The following HDAC9 variants were observed in gnomAD, a reference collection of about 807,000 sequenced individuals.
HDAC9 encodes MEF-2 interacting transcription repressor (MITR) protein.
HDAC9 carries 41 observed loss-of-function variants against 139.4 expected under a neutral mutation model. The ratio of observed to expected loss-of-function variants is 0.29; its 90% confidence interval spans 0.23 to 0.38. The LOEUF is 0.38. Ranked by LOEUF, HDAC9 falls within the 10% of genes least tolerant of loss-of-function variation. The pLI is 1.00. For synonymous variants in HDAC9, 517 were observed against 476.2 expected, an observed-to-expected ratio of 1.09 and a Z score of -1.12; for missense variants, 1,147 against 1,297.0, an observed-to-expected ratio of 0.88 and a Z score of 1.78.
intron 2 of HDAC9, among the ~76,000 whole-genome samples, chr7:18,218,405 C>A (rs1444098861): frequency 7.2e-5 from 11 of 152,086 alleles, no homozygotes; most frequent in Admixed American, 7.2e-4. Context: ...GATCACATCA[C>A]TGCACTCCAG....
intron 21 of HDAC9, among the ~76,000 whole-genome samples, chr7:18,860,032 G>A (rs1311218723): frequency 6.6e-6 from 1 of 151,400 alleles, no homozygotes; most frequent in Middle Eastern, 3.4e-3. Context: ...CTGCTCATAG[G>A]GTAATGGGAA....
At chr7:18,593,825 T>C (rs1469902623) in intron 5 of HDAC9, 83 bp from the exon 6 acceptor site, 10 of 1,444,902 alleles carry the variant, frequency 6.9e-6, no homozygotes, top group Non-Finnish European at 9.7e-6. Context: ...GAGGCACGTG[T>C]ACAGCGTGTG....
chr7:18,174,366 T>C (rs1199776084), intron 2 of HDAC9, among the ~76,000 whole-genome samples: 5 of 152,154 alleles, frequency 3.3e-5, no homozygotes, highest in Non-Finnish European at 7.4e-5. Context: ...TTTTTCATGG[T>C]TTTTAGCTTC....
At chr7:18,981,963 C>G (rs1007497355) in intron 25 of HDAC9, among the ~76,000 whole-genome samples, 6 of 151,232 alleles carry the variant, frequency 4.0e-5, no homozygotes, top group Non-Finnish European at 7.4e-5. Flanking sequence ...AAAAGCAAAA[C>G]AAAACGCCTT....
chr7:18,685,442 A>G (rs576726825), intron 12 of HDAC9, among the ~76,000 whole-genome samples: 1 of 151,940 alleles, frequency 6.6e-6, no homozygotes, highest in Non-Finnish European at 1.5e-5. Flanking sequence ...TGAAAGTGTT[A>G]ATCCTGATCT....
chr7:18,286,276 TATC>T (rs966347370), upstream of HDAC9, among the ~76,000 whole-genome samples: 1 of 151,968 alleles, frequency 6.6e-6, no homozygotes, highest in South Asian at 2.1e-4. Context: ...CTAAAAATTG[TATC>T]ATCATTATTT....
chr7:18,234,528 G>A (rs2128185838), intron 2 of HDAC9, among the ~76,000 whole-genome samples: 1 of 152,286 alleles, frequency 6.6e-6, no homozygotes, highest in Admixed American at 6.5e-5. Context: ...CAGGCACTGA[G>A]TATTATATGT....
At chr7:18,444,810 G>A (rs1337218763) in intron 1 of HDAC9, among the ~76,000 whole-genome samples, 1 of 152,136 alleles carries the variant, frequency 6.6e-6, no homozygotes, top group Non-Finnish European at 1.5e-5. Flanking sequence ...TCAAAGTAAG[G>A]TCTTACTAAG....
At chr7:18,360,774 A>G (rs1437318500) in intron 1 of HDAC9, among the ~76,000 whole-genome samples, 2 of 152,172 alleles carry the variant, frequency 1.3e-5, no homozygotes, top group Non-Finnish European at 2.9e-5. Flanking sequence ...AAAAATGTTT[A>G]CTTTCCAAGA....
chr7:18,476,677 C>T (rs551812162), intron 1 of HDAC9, among the ~76,000 whole-genome samples: 4 of 152,168 alleles, frequency 2.6e-5, no homozygotes, highest in Admixed American at 1.3e-4. Context: ...TTTTAAAAGT[C>T]CAATTAAATA....
intron 1 of HDAC9, among the ~76,000 whole-genome samples, chr7:18,126,987 A>G (rs1210449534): frequency 6.6e-6 from 1 of 152,192 alleles, no homozygotes; most frequent in Non-Finnish European, 1.5e-5. Flanking sequence ...AAGAGGATAA[A>G]TGAATAGTTA....
At chr7:18,191,969 G>A (rs560719675) in intron 2 of HDAC9, among the ~76,000 whole-genome samples, 16 of 152,206 alleles carry the variant, frequency 1.1e-4, no homozygotes, top group South Asian at 2.1e-4. Context: ...AAGCTATGAC[G>A]AGAAGACATA....
chr7:18,236,215 G>A (rs763206605), intron 2 of HDAC9, among the ~76,000 whole-genome samples: 1 of 152,140 alleles, frequency 6.6e-6, no homozygotes, highest in Non-Finnish European at 1.5e-5. Flanking sequence ...GCATCAACTA[G>A]GAACTTGTTA....
intron 1 of HDAC9, among the ~76,000 whole-genome samples, chr7:18,418,284 C>T (rs1194526576): frequency 2.0e-5 from 3 of 152,108 alleles, no homozygotes; most frequent in Non-Finnish European, 4.4e-5. Flanking sequence ...GACTTAACTA[C>T]CAAAGTGTCC....
chr7:18,177,552 C>T (rs1404898647), intron 2 of HDAC9, among the ~76,000 whole-genome samples: 1 of 152,156 alleles, frequency 6.6e-6, no homozygotes, highest in African/African-American at 2.4e-5. Context: ...GACCCTTCCT[C>T]ACCACTGGGA....
At chr7:18,576,374 A>AGTAG (rs1825936691) in intron 2 of HDAC9, among the ~76,000 whole-genome samples, 1 of 152,112 alleles carries the variant, frequency 6.6e-6, no homozygotes, top group Admixed American at 6.6e-5. Context: ...ACTATTTAGG[A>AGTAG]GTAGGGGCCA....
chr7:18,196,124 C>G (rs1371677392), intron 2 of HDAC9, among the ~76,000 whole-genome samples: 1 of 152,160 alleles, frequency 6.6e-6, no homozygotes, highest in Non-Finnish European at 1.5e-5. Context: ...AGTAATACCT[C>G]TTTATATATC....
chr7:18,224,724 G>A (rs1403096470), intron 2 of HDAC9, among the ~76,000 whole-genome samples: 1 of 152,086 alleles, frequency 6.6e-6, no homozygotes, highest in Non-Finnish European at 1.5e-5. Flanking sequence ...ACCAAAGATT[G>A]TAGAATTCGA....
chr7:18,801,774 G>A (rs1445257569), intron 17 of HDAC9, among the ~76,000 whole-genome samples: 1 of 151,924 alleles, frequency 6.6e-6, no homozygotes, highest in African/African-American at 2.4e-5. Context: ...TTTGGAATTT[G>A]TATTTCTTTT....
Sources: gnomAD v4.1 joint callset for allele counts (sites outside exome capture counted in the v4.1 genomes callset) on GRCh38, gnomAD v4.1.1 for gene constraint, MANE v1.5 for transcripts, NCBI Gene and HGNC (gene_info 2026-07-23, HGNC 2026-07-21) for gene names.